VPS13D: variants seen among roughly 807,000 people sequenced by gnomAD.
VPS13D encodes vacuolar protein sorting 13 homolog D, also known as intermembrane lipid transfer protein VPS13D.
In VPS13D, 187 loss-of-function variants were observed where a neutral mutation model predicts 461.9. The ratio of observed to expected loss-of-function variants is 0.40; its 90% CI spans 0.36 to 0.46. The LOEUF is 0.46. Ranked by LOEUF, VPS13D falls within the 20% of genes least tolerant of loss-of-function variation. VPS13D has a pLI of 0.60. For missense variants in VPS13D, 4,711 were observed against 5,364.9 expected (o/e 0.88, Z 3.81); for synonymous variants, 1,951 against 1,986.3 (o/e 0.98, Z 0.47).
At chr1:12,451,878 A>G (rs945909718) in intron 65 of VPS13D, among the ~76,000 whole-genome samples, 2 of 152,244 alleles carry the variant, frequency 1.3e-5, no homozygotes, top group Non-Finnish European at 2.9e-5. Context: ...TGAATGTCTC[A>G]TATGTATCAG....
At chr1:12,373,429 T>C (rs976247629) in intron 54 of VPS13D, among the ~76,000 whole-genome samples, 2 of 151,948 alleles carry the variant, frequency 1.3e-5, no homozygotes, top group African/African-American at 2.4e-5. Context: ...CCAAATTTTT[T>C]GCCTTTTTTT....
chr1:12,436,427 G>T (rs1645061448), intron 65 of VPS13D, among the ~76,000 whole-genome samples: 1 of 152,198 alleles, frequency 6.6e-6, no homozygotes, highest in African/African-American at 2.4e-5. Context: ...CAGGACTAGG[G>T]AGGGGTCAGT....
chr1:12,377,520 A>G (rs1644215478), intron 55 of VPS13D, among the ~76,000 whole-genome samples: 1 of 152,080 alleles, frequency 6.6e-6, no homozygotes, highest in South Asian at 2.1e-4. Flanking sequence ...GAGAAAATAT[A>G]TTTAGAACTA....
At chr1:12,263,209 A>C (rs781097246) in intron 13 of VPS13D, among the ~76,000 whole-genome samples, 1 of 152,136 alleles carries the variant, frequency 6.6e-6, no homozygotes, top group Non-Finnish European at 1.5e-5. Context: ...GCGTTTTAGC[A>C]CTAGGGGCTT....
intron 46 of VPS13D, 82 bp downstream of exon 46, chr1:12,349,456 G>T (rs1643749376): frequency 8.0e-7 from 1 of 1,257,158 alleles, no homozygotes; most frequent in South Asian, 1.3e-5. Flanking sequence ...TTTCTCTAAA[G>T]ACCCTTAGAG....
chr1:12,275,961 A>G lies in VPS13D; in HGVS notation c.2373A>G (p.Thr791=). 1 of 1,613,598 alleles carries G rather than the reference A, an allele frequency of 6.2e-7. No homozygotes were observed. Residue 791 remains threonine, a synonymous_variant, in exon 19 of 70, where the codon ACA becomes ACG. Coordinates refer to ENST00000620676, the MANE Select transcript of VPS13D (RefSeq NM_015378.4). ...CAAGCAGCAGCAACGGAGAGAAAAC[A>G]CCTCCCTTTTCTGGAGTTGAGTTCA... The part of the protein sequence containing the change: ...PESSSSNGEK[T]PPFSGVEFSE...
intron 19 of VPS13D, 31 bp downstream of exon 19, chr1:12,278,069 GT>G (rs1170709500): frequency 6.4e-7 from 1 of 1,560,090 alleles, no homozygotes; most frequent in South Asian, 1.2e-5. Context: ...GTTCTATTTT[GT>G]TTAATGATTG....
intron 24 of VPS13D, among the ~76,000 whole-genome samples, chr1:12,296,961 A>G (rs1312757458): frequency 6.6e-6 from 1 of 152,234 alleles, no homozygotes; most frequent in Non-Finnish European, 1.5e-5. Context: ...ATCAAATTAT[A>G]TAAGACAAGT....
intron 27 of VPS13D, among the ~76,000 whole-genome samples, chr1:12,310,148 C>A (rs1015456052): frequency 1.8e-4 from 27 of 152,144 alleles, no homozygotes; most frequent in African/African-American, 6.3e-4. Context: ...TCCCCACTCC[C>A]ATCAGTGTTT....
chr1:12,456,232 G>A lies in VPS13D; in HGVS notation c.12466+102G>A, dbSNP rs140358707. On this transcript the variant is annotated intron_variant, in intron 66 of 69. Transcript: ENST00000620676. Reference sequence around the variant, plus strand: ...AAAAAAAGAAAGGTGGGCTGGGCGCGGTGGCTCATGCTTGTAATCCCAGCA... The same window carrying A: ...AAAAAAAGAAAGGTGGGCTGGGCGCAGTGGCTCATGCTTGTAATCCCAGCA... The A allele has an allele frequency of 2.0e-5, 29 of 1,445,508 alleles. No homozygotes were observed. The South Asian group carries it at 2.2e-4, about 11-fold the overall frequency. The allele number at this position is 1,445,508 out of a possible 1,614,324, so 89.5% of individuals were successfully genotyped here.
At chr1:12,494,028 CTG>C (rs1328675946) in intron 67 of VPS13D, among the ~76,000 whole-genome samples, 3 of 152,106 alleles carry the variant, frequency 2.0e-5, no homozygotes, top group African/African-American at 2.4e-5. Context: ...ATTCATAAGA[CTG>C]TAACAGAAGA....
At chr1:12,300,455 G>A (rs969999460) in intron 25 of VPS13D, among the ~76,000 whole-genome samples, 2 of 151,978 alleles carry the variant, frequency 1.3e-5, no homozygotes, top group African/African-American at 2.4e-5. Flanking sequence ...TTATCCACCC[G>A]CCTTGGCCTC....
Position 12,505,874 on chromosome 1 carries a change from G to A in VPS13D, c.12795-979G>A, listed in dbSNP as rs1646098902. 6.6e-6 allele frequency among the ~76,000 whole-genome samples: 1 copy of A among 152,208 alleles called. No individual in the cohort carries two copies. The highest frequency in any genetic ancestry group is 1.5e-5 in the Non-Finnish European group (1 of 68,026). On this transcript the variant is annotated intron_variant, in intron 68 of 69. Transcript: ENST00000620676. This position sits in a 1 kb window ranked among gnomAD's most constrained non-coding sequence, Gnocchi z 4.2. Reference sequence around the variant, plus strand: ...GCCCGGCAGCCTGCTCCCCTCGACAGGCAGGCCACCTCCTGCCCCCAGGCT... The same window carrying A: ...GCCCGGCAGCCTGCTCCCCTCGACAAGCAGGCCACCTCCTGCCCCCAGGCT...
Position 12,302,515 on chromosome 1 carries a change from A to G in VPS13D, c.6217-1991A>G, listed in dbSNP as rs139636224. 1.7e-3 allele frequency among the ~76,000 whole-genome samples: 255 copies of G among 152,326 alleles called. 3 individuals carry two copies. The Middle Eastern group carries it at 0.02, about 12-fold the overall frequency. On this transcript the variant is annotated intron_variant, in intron 25 of 69. Coordinates refer to ENST00000620676, the MANE Select transcript of VPS13D (RefSeq NM_015378.4). ...CCTATTTTTTAAGTCAAATAATAGCACAGAGTTTGTAGTGTTTTAATGAAA... is the reference window on the plus strand; with the variant it reads ...CCTATTTTTTAAGTCAAATAATAGCGCAGAGTTTGTAGTGTTTTAATGAAA...
chr1:12,505,748 A>G lies in VPS13D; in HGVS notation c.12795-1105A>G, dbSNP rs1169834186. On this transcript the variant is annotated intron_variant, in intron 68 of 69. Coordinates refer to ENST00000620676, the MANE Select transcript of VPS13D (RefSeq NM_015378.4). The surrounding 1 kb of genome is among the most constrained non-coding windows in gnomAD (Gnocchi z 4.2). ...GGCTGGAGTATGTGGGGGATGCTTC[A>G]CAGAGAAGTTAGAACCTGTGATCCT... 6.6e-6 allele frequency among the ~76,000 whole-genome samples: 1 copy of G among 152,232 alleles called. No individual in the cohort carries two copies. The highest frequency in any genetic ancestry group is 1.5e-5 in the Non-Finnish European group (1 of 68,028).
Position 12,279,495 on chromosome 1 carries a change from C to A in VPS13D, c.4451-4C>A. The A allele has an allele frequency of 6.3e-7, 1 of 1,582,880 alleles. No individual in the cohort carries two copies. The highest frequency in any genetic ancestry group is 8.6e-7 in the Non-Finnish European group (1 of 1,159,160). Reference sequence around the variant, plus strand: ...GGTCTATCATTTCATCTCTTTTATGCCAGCTTTTCACATCCTGAACAACAC... The same window carrying A: ...GGTCTATCATTTCATCTCTTTTATGACAGCTTTTCACATCCTGAACAACAC... On this transcript the variant is annotated splice_polypyrimidine_tract_variant and splice_region_variant and intron_variant, in intron 19 of 69. Transcript: ENST00000620676. This position sits in a 1 kb window ranked among gnomAD's most constrained non-coding sequence, Gnocchi z 4.3.
At chr1:12,424,854 G>A (rs752132516) in intron 65 of VPS13D, among the ~76,000 whole-genome samples, 1 of 152,044 alleles carries the variant, frequency 6.6e-6, no homozygotes, top group Non-Finnish European at 1.5e-5. Flanking sequence ...AGCCTGTGTG[G>A]TAGAAAAGTA....
intron 60 of VPS13D, among the ~76,000 whole-genome samples, chr1:12,386,595 A>G (rs1047152449): frequency 2.6e-5 from 4 of 152,208 alleles, no homozygotes; most frequent in Non-Finnish European, 4.4e-5. Flanking sequence ...CATCTTGCCA[A>G]TAGAAAAACC....
In VPS13D at chr1:12,321,978, A is replaced by G; in HGVS notation, c.7704+14A>G. On this transcript the variant is annotated intron_variant, in intron 33 of 69. Transcript: ENST00000620676. ...CCTGTCCTGGAGGTAATGATGCAAA[A>G]TCTGTGCAATACGTTGATATGCTCT... is the stretch of plus-strand genomic sequence containing the variant. The G allele has an allele frequency of 6.2e-7, 1 of 1,613,096 alleles. No homozygotes were observed. Among genetic ancestry groups the G allele is most frequent in the Non-Finnish European group, 8.5e-7 (1 of 1,179,630 alleles).
Sources: allele counts gnomAD v4.1 joint callset (sites outside exome capture counted in the v4.1 genomes callset), GRCh38; gene constraint gnomAD v4.1.1; non-coding constraint Gnocchi (gnomAD v3.1); transcripts MANE v1.5; gene names NCBI Gene and HGNC (gene_info 2026-07-23, HGNC 2026-07-21).